The following RNF2 variants were observed in gnomAD, a reference collection of about 807,000 sequenced individuals.
RNF2 encodes ring finger protein 2.
RNF2 carries 6 observed loss-of-function variants against 37.2 expected under a neutral mutation model. That is an observed-to-expected ratio of 0.16 (90% CI 0.09 to 0.32). The LOEUF (loss-of-function observed/expected upper bound fraction) is 0.32, where lower values mean the gene tolerates loss of function less well. Ranked by LOEUF, RNF2 falls within the 10% of genes least tolerant of loss-of-function variation. The pLI, the probability that RNF2 is intolerant of heterozygous loss-of-function variation, is 1.00. For missense variants in RNF2, 251 were observed against 404.0 expected (o/e 0.62, Z 3.25); for synonymous variants, 133 against 132.7 (o/e 1.00, Z -0.02).
chr1:185,055,734 T>C (rs983787366), intron 1 of RNF2, among the ~76,000 whole-genome samples: 5 of 152,254 alleles, frequency 3.3e-5, no homozygotes, highest in African/African-American at 1.2e-4. Context: ...AGTTTCGTTT[T>C]ATATGAGAGT....
chr1:185,076,798 A>C (rs868612482), intron 1 of RNF2, among the ~76,000 whole-genome samples: 1 of 151,514 alleles, frequency 6.6e-6, no homozygotes, highest in South Asian at 2.1e-4. Context: ...GTTGCTTTCT[A>C]TTAAGCTTTA....
chr1:185,087,989 A>G (rs1455743424), intron 2 of RNF2, among the ~76,000 whole-genome samples: 1 of 152,232 alleles, frequency 6.6e-6, no homozygotes, highest in Non-Finnish European at 1.5e-5. Context: ...ATAAGGCACC[A>G]AGGAAGACTG....
intron 4 of RNF2, among the ~76,000 whole-genome samples, chr1:185,096,872 C>A (rs1651927878): frequency 6.7e-6 from 1 of 149,018 alleles, no homozygotes; most frequent in Admixed American, 6.7e-5. Flanking sequence ...AGTTCTTGAG[C>A]ATCTTTCCTA....
At chr1:185,079,782 A>G (rs546301798) in intron 1 of RNF2, among the ~76,000 whole-genome samples, 3 of 152,282 alleles carry the variant, frequency 2.0e-5, no homozygotes, top group Admixed American at 2.0e-4. Context: ...TACAAAAATT[A>G]GCCAGGTGTG....
At position 185,087,678 on chromosome 1, in the gene RNF2, G is replaced by C. The variant is rs376235387; in HGVS notation, c.87+38G>C. 1.0e-5 allele frequency: 14 copies of C among 1,402,692 alleles called. No homozygotes were observed. The African/African-American group carries it at 2.0e-4, about 20-fold the overall frequency. 86.9% of individuals were successfully genotyped at this position (1,402,692 alleles called of 1,614,324 possible). A position where few individuals can be genotyped will look rare whatever the true frequency, so the allele number is the denominator to read the frequency against. The stretch of plus-strand genomic sequence containing the variant: ...ATGACTGCCAAGGGGCATATGAGAC[G>C]TGTAAACTGGGATACATTTTTAGAA... On this transcript the variant is annotated intron_variant, in intron 2 of 6. Coordinates refer to ENST00000367510, the MANE Select transcript of RNF2 (RefSeq NM_007212.4).
At position 185,102,329 on chromosome 1, in the gene RNF2, C is replaced by T. The variant is rs958449958; in HGVS notation, c.*2028C>T. The T allele has an allele frequency of 1.3e-5, 2 of 152,054 alleles. No homozygotes were observed. Among genetic ancestry groups the T allele is most frequent in the African/African-American group, 4.8e-5 (2 of 41,390 alleles). The allele number at this position is 152,054 out of a possible 1,614,324, so 9.4% of individuals were successfully genotyped here. On this transcript the variant is annotated 3_prime_UTR_variant, in exon 7 of 7. Coordinates refer to ENST00000367510, the MANE Select transcript of RNF2 (RefSeq NM_007212.4). Reference sequence around the variant, plus strand: ...CCAACCAGGGTTTCAAAAAGTATTACCTAAGTAATTTCTTTTATCACTATC... The same window carrying T: ...CCAACCAGGGTTTCAAAAAGTATTATCTAAGTAATTTCTTTTATCACTATC...
chr1:185,054,270 G>A (rs1469034249), intron 1 of RNF2, among the ~76,000 whole-genome samples: 1 of 152,172 alleles, frequency 6.6e-6, no homozygotes, highest in African/African-American at 2.4e-5. Context: ...ATCTGATGGC[G>A]GAAAACGAAC....
At chr1:185,049,078 T>C (rs1204222433) in intron 1 of RNF2, among the ~76,000 whole-genome samples, 3 of 151,980 alleles carry the variant, frequency 2.0e-5, no homozygotes, top group African/African-American at 7.3e-5. Flanking sequence ...ATACAAAAAT[T>C]AGCCAGGCAT....
chr1:185,080,584 G>A (rs142381900), intron 1 of RNF2, among the ~76,000 whole-genome samples: 38 of 152,266 alleles, frequency 2.5e-4, no homozygotes, highest in African/African-American at 9.1e-4. Context: ...CATCCATGTG[G>A]TAGTATTTAA....
At chr1:185,086,788 T>C (rs1571320435) in intron 1 of RNF2, among the ~76,000 whole-genome samples, 2 of 152,346 alleles carry the variant, frequency 1.3e-5, no homozygotes, top group Admixed American at 1.3e-4. Flanking sequence ...TTTAAAGTGC[T>C]CTAAAGTAGA....
intron 1 of RNF2, among the ~76,000 whole-genome samples, chr1:185,056,335 A>T (rs1441197344): frequency 6.6e-6 from 1 of 151,758 alleles, no homozygotes; most frequent in Non-Finnish European, 1.5e-5. Flanking sequence ...TTACAAGATA[A>T]ATTATCCATC....
At chr1:185,059,861 A>G (rs1424432642) in intron 1 of RNF2, among the ~76,000 whole-genome samples, 1 of 152,190 alleles carries the variant, frequency 6.6e-6, no homozygotes, top group African/African-American at 2.4e-5. Flanking sequence ...AGAAGAGTGT[A>G]GAGGTATTAG....
intron 1 of RNF2, among the ~76,000 whole-genome samples, chr1:185,080,901 G>A (rs80062866): frequency 0.013 from 1,934 of 152,300 alleles, 31 homozygotes; most frequent in African/African-American, 0.044. Flanking sequence ...GGCAGAAGGA[G>A]TGTTCTGCTT....
chr1:185,061,851 T>C (rs1215093224), intron 1 of RNF2, among the ~76,000 whole-genome samples: 3 of 152,200 alleles, frequency 2.0e-5, no homozygotes, highest in African/African-American at 7.2e-5. Context: ...TATTACAGTT[T>C]AGAGAGCTCT....
At chr1:185,074,187 G>T (rs770215480) in intron 1 of RNF2, among the ~76,000 whole-genome samples, 6 of 152,216 alleles carry the variant, frequency 3.9e-5, no homozygotes, top group Non-Finnish European at 8.8e-5. Flanking sequence ...CTCCTGTCCT[G>T]TGGAGTTAGA....
rs566444181 is a variant in RNF2 at position 185,097,321 on chromosome 1, C to G, written c.465-751C>G. Among the ~76,000 whole-genome samples, 325 of 152,310 alleles carry G rather than the reference C, an allele frequency of 2.1e-3. 1 individual carries two copies. Among genetic ancestry groups the G allele is most frequent in the African/African-American group, 7.5e-3 (311 of 41,570 alleles). ...CCTCAGTCATTTTGTATCGCCTTAG[C>G]TGACTTGGCGGAAGGTCAGCAGGGA... On this transcript the variant is annotated intron_variant, in intron 4 of 6. Coordinates refer to ENST00000367510, the MANE Select transcript of RNF2 (RefSeq NM_007212.4).
chr1:185,059,197 G>T (rs1324268634), intron 1 of RNF2, among the ~76,000 whole-genome samples: 1 of 149,646 alleles, frequency 6.7e-6, no homozygotes. Context: ...TGAAAAATGA[G>T]AATAGAAGTC....
chr1:185,055,094 G>C (rs150465042), intron 1 of RNF2, among the ~76,000 whole-genome samples: 24 of 152,352 alleles, frequency 1.6e-4, no homozygotes, highest in African/African-American at 5.8e-4. Flanking sequence ...TCACTTTGCA[G>C]ATTGTTTAAA....
rs1651963339 is a variant in RNF2 at position 185,098,083 on chromosome 1, G to T, written c.476G>T (p.Gly159Val). The T allele has an allele frequency of 6.2e-7, 1 of 1,613,868 alleles. No individual in the cohort carries two copies. The highest frequency in any genetic ancestry group is 8.5e-7 in the Non-Finnish European group (1 of 1,179,884). The change falls in exon 5 of 7, where the codon GGC becomes GTC. Residue 159 changes from glycine to valine, a missense_variant. This residue lies in a region of RNF2 where 94 missense variants were observed against 99.2 expected (regional missense o/e 0.95). Transcript: ENST00000367510. ...KIQAMNRLQR[G>V]KKQQIENGSG... ...TCCCCCTTGACTAGACTGCAGCGAG[G>T]CAAGAAACAACAGATTGAAAATGGT... is the stretch of plus-strand genomic sequence containing the variant.
Sources: allele counts gnomAD v4.1 joint callset (sites outside exome capture counted in the v4.1 genomes callset), GRCh38; gene constraint gnomAD v4.1.1; regional missense constraint gnomAD v4.1.1; transcripts MANE v1.5; gene names NCBI Gene and HGNC (gene_info 2026-07-23, HGNC 2026-07-21).